CMKLR1: variants seen among roughly 807,000 people sequenced by gnomAD.
CMKLR1 encodes the protein chemerin chemokine-like receptor 1.
A neutral mutation model predicts 8.2 loss-of-function variants in CMKLR1; 6 were observed. The ratio of observed to expected loss-of-function variants is 0.73; its 90% CI spans 0.40 to 1.44. CMKLR1 has a LOEUF of 1.44. Among genes scored for constraint, CMKLR1 ranks in the 40% most tolerant of loss-of-function variants. CMKLR1 has a pLI of 0.02. For missense variants in CMKLR1, 429 were observed against 478.0 expected, an observed-to-expected ratio of 0.90 and a Z score of 0.96; for synonymous variants, 178 against 181.2, an observed-to-expected ratio of 0.98 and a Z score of 0.14.
At chr12:108,327,461 C>T (rs959051225) in intron 2 of CMKLR1, among the ~76,000 whole-genome samples, 5 of 152,224 alleles carry the variant, frequency 3.3e-5, no homozygotes, top group African/African-American at 1.2e-4. Flanking sequence ...GCCTGGGCAA[C>T]AGAGTGAGAC....
chr12:108,303,962 C>G (rs1272691731), intron 2 of CMKLR1, among the ~76,000 whole-genome samples: 3 of 152,232 alleles, frequency 2.0e-5, no homozygotes, highest in African/African-American at 4.8e-5. Context: ...TGGGTGAGAG[C>G]ACACCTTTTC....
intron 2 of CMKLR1, among the ~76,000 whole-genome samples, chr12:108,297,361 C>T (rs1891164843): frequency 6.6e-6 from 1 of 152,130 alleles, no homozygotes; most frequent in South Asian, 2.1e-4. Context: ...TGTCAATTGG[C>T]TGCATATGTT....
intron 2 of CMKLR1, among the ~76,000 whole-genome samples, chr12:108,293,980 T>C (rs974896799): frequency 1.3e-5 from 2 of 152,158 alleles, no homozygotes; most frequent in African/African-American, 2.4e-5. Flanking sequence ...AGGAGGTACA[T>C]GGATGGCTCA....
intron 2 of CMKLR1, among the ~76,000 whole-genome samples, chr12:108,300,979 C>T (rs924219378): frequency 2.0e-5 from 3 of 151,698 alleles, no homozygotes; most frequent in Admixed American, 6.6e-5. Context: ...AAAAGCCCTA[C>T]AAAGCACGTT....
rs964019925 is a variant in CMKLR1, at chr12:108,288,957, C to CA, written c.*2883_*2884insT. 5 of 108,812 alleles carry CA rather than the reference C, an allele frequency of 4.6e-5. No homozygotes were observed. Among genetic ancestry groups the CA allele is most frequent in the South Asian group, 2.5e-4 (1 of 3,964 alleles). The allele number at this position is 108,812 out of a possible 1,614,324, so 6.7% of individuals were successfully genotyped here. A position where few individuals can be genotyped will look rare whatever the true frequency, so the allele number is the denominator to read the frequency against. On this transcript the variant is annotated 3_prime_UTR_variant, in exon 4 of 4. Transcript: ENST00000550402. Reference sequence around the variant, plus strand: ...GAAACAGAAACTCACTTTCTGCACCCCCCCCCCACCTTGCTATGATGGTCC... The same window carrying CA: ...GAAACAGAAACTCACTTTCTGCACCCACCCCCCCACCTTGCTATGATGGTCC...
intron 2 of CMKLR1, among the ~76,000 whole-genome samples, chr12:108,314,680 A>G (rs1328549534): frequency 1.3e-5 from 2 of 152,212 alleles, no homozygotes. Flanking sequence ...ATGTTTTTTC[A>G]GAACTGAAGC....
At chr12:108,329,288 C>G (rs1892051085) in intron 2 of CMKLR1, among the ~76,000 whole-genome samples, 1 of 152,180 alleles carries the variant, frequency 6.6e-6, no homozygotes, top group Non-Finnish European at 1.5e-5. Context: ...TCCTGCCATC[C>G]CTGCTTCCTG....
At chr12:108,316,008 A>G (rs2137324473) in intron 2 of CMKLR1, among the ~76,000 whole-genome samples, 1 of 152,310 alleles carries the variant, frequency 6.6e-6, no homozygotes, top group South Asian at 2.1e-4. Flanking sequence ...GCCTCAGCCC[A>G]GCTCTTACAG....
At chr12:108,293,708 G>A (rs1891055346) in intron 2 of CMKLR1, 44 bp from the exon 3 acceptor site, 19 of 1,174,256 alleles carry the variant, frequency 1.6e-5, no homozygotes, top group Non-Finnish European at 2.2e-5. Flanking sequence ...TTGGATCCAG[G>A]TCTAAGAACC....
At chr12:108,329,176 G>A (rs867485731) in intron 2 of CMKLR1, among the ~76,000 whole-genome samples, 2 of 152,236 alleles carry the variant, frequency 1.3e-5, no homozygotes, top group Non-Finnish European at 1.5e-5. Flanking sequence ...GAGAGGGCAA[G>A]GGTTGGAGGC....
At position 108,288,703 on chromosome 12, in the gene CMKLR1, T is replaced by C. The variant is rs538573164; in HGVS notation, c.*3138A>G. On this transcript the variant is annotated 3_prime_UTR_variant, in exon 4 of 4. Transcript: ENST00000550402. ...TTCCCTTCTCCCTGTCCTTGCTGGC[T>C]CAAGGGTCAGCTGGAGATGGTTCTG... is the stretch of plus-strand genomic sequence containing the variant. 1 of 152,444 alleles carries C rather than the reference T, an allele frequency of 6.6e-6. No homozygotes were observed. Among genetic ancestry groups the C allele is most frequent in the African/African-American group, 2.4e-5 (1 of 41,574 alleles). The allele number at this position is 152,444 out of a possible 1,614,324, so 9.4% of individuals were successfully genotyped here. A position where few individuals can be genotyped will look rare whatever the true frequency, so the allele number is the denominator to read the frequency against.
intron 2 of CMKLR1, among the ~76,000 whole-genome samples, chr12:108,306,311 C>T (rs1223852961): frequency 6.6e-6 from 1 of 152,210 alleles, no homozygotes; most frequent in Admixed American, 6.5e-5. Context: ...CTCGCCTTCA[C>T]TGGACCCGGA....
intron 2 of CMKLR1, among the ~76,000 whole-genome samples, chr12:108,305,249 A>G (rs958911161): frequency 1.3e-5 from 2 of 152,214 alleles, no homozygotes; most frequent in African/African-American, 4.8e-5. Context: ...TGTGATCCAC[A>G]TAGACCGTTC....
chr12:108,306,958 A>G (rs1891424198), intron 2 of CMKLR1, among the ~76,000 whole-genome samples: 1 of 152,162 alleles, frequency 6.6e-6, no homozygotes, highest in Non-Finnish European at 1.5e-5. Flanking sequence ...GTAGCCCCCA[A>G]TAATGGGTCC....
intron 1 of CMKLR1, among the ~76,000 whole-genome samples, chr12:108,331,744 C>T (rs962452511): frequency 2.0e-5 from 3 of 152,112 alleles, no homozygotes; most frequent in Non-Finnish European, 2.9e-5. Flanking sequence ...ACTCAACCTG[C>T]GGTTGCTGGC....
intron 2 of CMKLR1, among the ~76,000 whole-genome samples, chr12:108,313,409 T>C (rs371506122): frequency 1.1e-4 from 16 of 152,334 alleles, no homozygotes; most frequent in Admixed American, 9.2e-4. Context: ...AGTGGCTCAG[T>C]GCAGCTGACA....
At chr12:108,315,936 A>C (rs568365670) in intron 2 of CMKLR1, among the ~76,000 whole-genome samples, 1 of 152,242 alleles carries the variant, frequency 6.6e-6, no homozygotes, top group African/African-American at 2.4e-5. Flanking sequence ...AATGAAGATG[A>C]ATCTTGCTGC....
intron 2 of CMKLR1, among the ~76,000 whole-genome samples, chr12:108,321,382 C>T (rs927326626): frequency 5.3e-5 from 8 of 152,110 alleles, no homozygotes; most frequent in East Asian, 1.9e-4. Context: ...CAGTGAGCTA[C>T]GATCATACCA....
At chr12:108,314,934 G>GTTTTTTTT (rs3045858) in intron 2 of CMKLR1, among the ~76,000 whole-genome samples, 2 of 109,606 alleles carry the variant, frequency 1.8e-5, no homozygotes, top group African/African-American at 3.7e-5. Context: ...ACACAGCCTT[G>GTTTTTTTT]TTTTTTTTTT....
Sources: gnomAD v4.1 joint callset for allele counts (sites outside exome capture counted in the v4.1 genomes callset) on GRCh38, gnomAD v4.1.1 for gene constraint, MANE v1.5 for transcripts, NCBI Gene and HGNC (gene_info 2026-07-23, HGNC 2026-07-21) for gene names.